PTPRK: variants seen among roughly 807,000 people sequenced by gnomAD.
PTPRK encodes the protein protein tyrosine phosphatase receptor type K.
A neutral mutation model predicts 178.0 loss-of-function variants in PTPRK; 75 were observed. The ratio of observed to expected loss-of-function variants is 0.42; its 90% CI spans 0.35 to 0.51. PTPRK has a LOEUF of 0.51. PTPRK is among the 20% of genes least tolerant of loss of function. The pLI, the probability that PTPRK is intolerant of heterozygous loss-of-function variation, is 0.02. For synonymous variants in PTPRK, 637 were observed against 620.6 expected (o/e 1.03, Z -0.39); for missense variants, 1,441 against 1,797.8 (o/e 0.80, Z 3.59).
chr6:128,422,776 G>A (rs904031163), intron 1 of PTPRK, among the ~76,000 whole-genome samples: 1 of 148,264 alleles, frequency 6.7e-6, no homozygotes, highest in African/African-American at 2.5e-5. Context: ...ATAATAACCT[G>A]GTCAGTTACT....
intron 3 of PTPRK, 126 bp from the exon 4 acceptor site, chr6:128,242,728 C>T: frequency 1.5e-6 from 2 of 1,355,170 alleles, no homozygotes; most frequent in Non-Finnish European, 1.9e-6. Context: ...AAAATTTAAC[C>T]TTATAATGTA....
chr6:128,285,564 A>G (rs1362984178), intron 3 of PTPRK, among the ~76,000 whole-genome samples: 1 of 151,436 alleles, frequency 6.6e-6, no homozygotes, highest in African/African-American at 2.4e-5. Context: ...TAATCCCAGC[A>G]CTTTGGGAGG....
At chr6:128,226,927 G>T (rs1340326205) in intron 5 of PTPRK, among the ~76,000 whole-genome samples, 1 of 151,444 alleles carries the variant, frequency 6.6e-6, no homozygotes, top group Non-Finnish European at 1.5e-5. Context: ...TTTCTGATTT[G>T]GTTCTGATTC....
chr6:128,307,593 C>T (rs576894454), intron 3 of PTPRK, among the ~76,000 whole-genome samples: 2 of 151,796 alleles, frequency 1.3e-5, no homozygotes, highest in African/African-American at 2.4e-5. Context: ...CTATCTAGAC[C>T]AGAAAAGAAG....
At chr6:127,993,190 T>C (rs1776794943) in intron 18 of PTPRK, among the ~76,000 whole-genome samples, 2 of 151,802 alleles carry the variant, frequency 1.3e-5, no homozygotes, top group African/African-American at 4.8e-5. Context: ...ATCAAAGTCC[T>C]GCTGAGATTT....
intron 2 of PTPRK, among the ~76,000 whole-genome samples, chr6:128,357,193 T>C (rs570704746): frequency 2.2e-4 from 34 of 152,326 alleles, no homozygotes; most frequent in Middle Eastern, 3.4e-3. Context: ...TGCCTGTATT[T>C]TCAATTACCT....
chr6:128,377,888 G>T (rs997262439), intron 2 of PTPRK, among the ~76,000 whole-genome samples: 1 of 152,052 alleles, frequency 6.6e-6, no homozygotes, highest in Admixed American at 6.6e-5. Flanking sequence ...ACTGTTACAA[G>T]CATATAAATT....
intron 1 of PTPRK, among the ~76,000 whole-genome samples, chr6:128,492,875 G>C (rs1353869393): frequency 2.0e-5 from 3 of 152,148 alleles, no homozygotes; most frequent in Non-Finnish European, 4.4e-5. Flanking sequence ...GCCTAGACCT[G>C]CTTTCTCCCT....
At chr6:128,282,585 G>A (rs557026496) in intron 3 of PTPRK, among the ~76,000 whole-genome samples, 76 of 152,212 alleles carry the variant, frequency 5.0e-4, no homozygotes, top group African/African-American at 1.8e-3. Context: ...TATGCTACAG[G>A]CATGTTCATA....
chr6:128,344,814 C>A (rs1476858647), intron 2 of PTPRK, among the ~76,000 whole-genome samples: 1 of 152,126 alleles, frequency 6.6e-6, no homozygotes, highest in Non-Finnish European at 1.5e-5. Context: ...CTGTGCCTGG[C>A]CCACCCCTCA....
chr6:128,462,893 G>A (rs1849262354), intron 1 of PTPRK, among the ~76,000 whole-genome samples: 1 of 152,032 alleles, frequency 6.6e-6, no homozygotes, highest in South Asian at 2.1e-4. Flanking sequence ...CTGACCTTGG[G>A]TGATCCACCT....
intron 1 of PTPRK, among the ~76,000 whole-genome samples, chr6:128,482,986 A>G (rs971309961): frequency 2.0e-5 from 3 of 152,176 alleles, no homozygotes; most frequent in African/African-American, 7.2e-5. Context: ...TGGGCCAACT[A>G]AGGCTAACTT....
At chr6:128,514,887 AT>A (rs1238123893) in intron 1 of PTPRK, among the ~76,000 whole-genome samples, 2 of 152,238 alleles carry the variant, frequency 1.3e-5, no homozygotes, top group African/African-American at 2.4e-5. Context: ...CATTATTAAA[AT>A]ATTAAATACA....
At chr6:128,066,210 G>A (rs1440394541) in intron 12 of PTPRK, among the ~76,000 whole-genome samples, 1 of 152,134 alleles carries the variant, frequency 6.6e-6, no homozygotes, top group Non-Finnish European at 1.5e-5. Flanking sequence ...TGTTTTTATA[G>A]TAGCCCAGTT....
At chr6:128,355,339 T>G (rs1833808367) in intron 2 of PTPRK, among the ~76,000 whole-genome samples, 1 of 152,240 alleles carries the variant, frequency 6.6e-6, no homozygotes, top group Admixed American at 6.5e-5. Flanking sequence ...TATTTGAAAT[T>G]TAAAATAGTA....
intron 10 of PTPRK, among the ~76,000 whole-genome samples, chr6:128,080,684 C>T (rs1261386311): frequency 6.6e-6 from 1 of 151,892 alleles, no homozygotes; most frequent in Non-Finnish European, 1.5e-5. Flanking sequence ...AACTTGATTT[C>T]ACTGTTATTT....
intron 5 of PTPRK, among the ~76,000 whole-genome samples, chr6:128,224,622 C>T (rs957887027): frequency 2.6e-5 from 4 of 152,112 alleles, no homozygotes. Context: ...ACACACTGGG[C>T]CATTAACACT....
At chr6:128,337,123 T>C in intron 2 of PTPRK, among the ~76,000 whole-genome samples, 1 of 152,322 alleles carries the variant, frequency 6.6e-6, no homozygotes. Flanking sequence ...CCTTTATTCC[T>C]ACCTTCTTCA....
intron 11 of PTPRK, among the ~76,000 whole-genome samples, chr6:128,077,916 T>C (rs1277305253): frequency 6.6e-6 from 1 of 151,994 alleles, no homozygotes; most frequent in Non-Finnish European, 1.5e-5. Context: ...TTCAATTTAC[T>C]CTGGAATACT....
Sources: gnomAD v4.1 joint callset for allele counts (sites outside exome capture counted in the v4.1 genomes callset) on GRCh38, gnomAD v4.1.1 for gene constraint, MANE v1.5 for transcripts, NCBI Gene and HGNC (gene_info 2026-07-23, HGNC 2026-07-21) for gene names.